CDK6: variants seen among roughly 807,000 people sequenced by gnomAD.
The protein encoded by CDK6 is cyclin-dependent kinase 6.
In CDK6, 6 loss-of-function variants were observed where a neutral mutation model predicts 37.1. The ratio of observed to expected loss-of-function variants is 0.16; its 90% CI spans 0.09 to 0.32. CDK6 has a LOEUF of 0.32. CDK6 is among the 10% of genes least tolerant of loss of function. CDK6 has a pLI of 1.00. For synonymous variants in CDK6, 160 were observed against 161.3 expected, an observed-to-expected ratio of 0.99 and a Z score of 0.06; for missense variants, 224 against 418.9, an observed-to-expected ratio of 0.53 and a Z score of 4.06.
rs1243206376 is a variant in CDK6, at chr7:92,608,510, AT to A, written c.*6629del. 1.7e-5 allele frequency: 4 copies of A among 231,420 alleles called. No homozygotes were observed. Among genetic ancestry groups the A allele is most frequent in the African/African-American group, 4.4e-5 (2 of 45,270 alleles). The allele number at this position is 231,420 out of a possible 1,614,324, so 14.3% of individuals were successfully genotyped here. A position where few individuals can be genotyped will look rare whatever the true frequency, so the allele number is the denominator to read the frequency against. ...ATATAGAATGATGGAAAATAAAAAA[AT>A]AAAAAAAAATTCCTGCAATTATACA... On this transcript the variant is annotated 3_prime_UTR_variant, in exon 8 of 8. Transcript: ENST00000424848.
intron 5 of CDK6, among the ~76,000 whole-genome samples, chr7:92,639,857 G>A (rs915099930): frequency 4.6e-5 from 7 of 152,138 alleles, no homozygotes; most frequent in African/African-American, 1.2e-4. Context: ...TTTGACTAAC[G>A]GCTCTCAATC....
chr7:92,688,586 C>CACACAG (rs1797522261), intron 4 of CDK6, among the ~76,000 whole-genome samples: 1 of 109,876 alleles, frequency 9.1e-6, no homozygotes, highest in Admixed American at 1.0e-4. Flanking sequence ...ATACATCACA[C>CACACAG]ACACACACAC....
rs1795395559 is a variant in CDK6 at position 92,605,067 on chromosome 7, A to G, written c.*10073T>C. 4.3e-6 allele frequency: 1 copy of G among 231,174 alleles called. No homozygotes were observed. The highest frequency in any genetic ancestry group is 1.8e-4 in the South Asian group (1 of 5,522). 14.3% of individuals were successfully genotyped at this position (231,174 alleles called of 1,614,324 possible). A position where few individuals can be genotyped will look rare whatever the true frequency, so the allele number is the denominator to read the frequency against. On this transcript the variant is annotated 3_prime_UTR_variant, in exon 8 of 8. Coordinates refer to ENST00000424848, the MANE Select transcript of CDK6 (RefSeq NM_001145306.2). ...GTTTTTATTATTTTTATTTGCTACC[A>G]ATATTTTTATTGTAAGAAATACAAA...
intron 5 of CDK6, among the ~76,000 whole-genome samples, chr7:92,652,550 G>C (rs1796600299): frequency 6.6e-6 from 1 of 152,072 alleles, no homozygotes; most frequent in Non-Finnish European, 1.5e-5. Flanking sequence ...TTTTCAGGGG[G>C]GAATTTCTGA....
chr7:92,798,565 T>C (rs2115887580), intron 2 of CDK6, among the ~76,000 whole-genome samples: 1 of 152,344 alleles, frequency 6.6e-6, no homozygotes, highest in South Asian at 2.1e-4. Flanking sequence ...TTTTATAAAA[T>C]GTCACCCTAA....
At chr7:92,765,922 T>C (rs957969346) in intron 3 of CDK6, among the ~76,000 whole-genome samples, 26 of 152,040 alleles carry the variant, frequency 1.7e-4, no homozygotes, top group Non-Finnish European at 2.6e-4. Context: ...CTAGAGGGTG[T>C]GGAGCATTCC....
At chr7:92,761,816 A>C (rs910151319) in intron 3 of CDK6, among the ~76,000 whole-genome samples, 2 of 152,222 alleles carry the variant, frequency 1.3e-5, no homozygotes, top group Non-Finnish European at 2.9e-5. Flanking sequence ...ATGCTCTCAT[A>C]AATCTCCCCA....
chr7:92,635,042 A>G (rs1406906330), intron 5 of CDK6, among the ~76,000 whole-genome samples: 1 of 152,330 alleles, frequency 6.6e-6, no homozygotes, highest in Admixed American at 6.5e-5. Flanking sequence ...GATTAGTAAA[A>G]AGAAATAATG....
At chr7:92,656,471 G>A (rs1480838537) in intron 5 of CDK6, among the ~76,000 whole-genome samples, 1 of 152,114 alleles carries the variant, frequency 6.6e-6, no homozygotes, top group Non-Finnish European at 1.5e-5. Flanking sequence ...GTAATTTAGC[G>A]CCTTGGTTGT....
chr7:92,769,356 T>A (rs978426443), intron 3 of CDK6, among the ~76,000 whole-genome samples: 7 of 152,194 alleles, frequency 4.6e-5, no homozygotes, highest in African/African-American at 1.2e-4. Context: ...ATAAAAAAAA[T>A]TTTATTCCAA....
At chr7:92,808,634 T>C (rs927218500) in intron 2 of CDK6, among the ~76,000 whole-genome samples, 2 of 152,228 alleles carry the variant, frequency 1.3e-5, no homozygotes, top group African/African-American at 4.8e-5. Flanking sequence ...AATGTGCAAT[T>C]TTCCAATGTC....
chr7:92,638,206 T>C (rs760455364), intron 5 of CDK6, among the ~76,000 whole-genome samples: 9 of 152,254 alleles, frequency 5.9e-5, no homozygotes, highest in Non-Finnish European at 1.2e-4. Context: ...ACTTTTAGTA[T>C]ATCTTTGGCA....
intron 3 of CDK6, among the ~76,000 whole-genome samples, chr7:92,770,168 C>A (rs1799675533): frequency 6.6e-6 from 1 of 152,154 alleles, no homozygotes; most frequent in East Asian, 1.9e-4. Context: ...ATTAGAATAT[C>A]TGTTGACTTC....
In CDK6 at chr7:92,774,708, A is replaced by G. The variant is rs781044210; in HGVS notation, c.357T>C (p.Thr119=). 1 of 1,606,296 alleles carries G rather than the reference A, an allele frequency of 6.2e-7. No individual in the cohort carries two copies. The highest frequency in any genetic ancestry group is 1.3e-5 in the African/African-American group (1 of 74,400). Residue 119 remains threonine (T), a synonymous_variant, in exon 3 of 8, where the codon ACT becomes ACC. Transcript: ENST00000424848. The part of the protein sequence containing the change: ...LDKVPEPGVP[T]ETIKDMMFQL... ...TGATTCTTGATACCTTTATGGTTTC[A>G]GTGGGCACTCCAGGCTCTGGAACTT...
intron 4 of CDK6, among the ~76,000 whole-genome samples, chr7:92,709,590 TC>T (rs1798040265): frequency 6.6e-6 from 1 of 152,148 alleles, no homozygotes. Flanking sequence ...TATTTATGCA[TC>T]CAAATACTGA....
At chr7:92,781,941 T>C (rs543081223) in intron 2 of CDK6, among the ~76,000 whole-genome samples, 1 of 152,344 alleles carries the variant, frequency 6.6e-6, no homozygotes, top group East Asian at 1.9e-4. Context: ...CACTGTATTC[T>C]CTTTTTTGCT....
At chr7:92,774,907 C>G (rs1799810796) in intron 2 of CDK6, 76 bp from the exon 3 acceptor site, 1 of 1,399,688 alleles carries the variant, frequency 7.1e-7, no homozygotes, top group Non-Finnish European at 9.7e-7. Context: ...ACATATCGCT[C>G]AATTTGGTCT....
intron 5 of CDK6, among the ~76,000 whole-genome samples, chr7:92,651,444 C>CA (rs1389384919): frequency 6.6e-6 from 1 of 152,080 alleles, no homozygotes. Context: ...AAACAACAAA[C>CA]AACAACAACA....
intron 3 of CDK6, among the ~76,000 whole-genome samples, chr7:92,764,715 G>C (rs1257389817): frequency 6.6e-6 from 1 of 152,110 alleles, no homozygotes; most frequent in Non-Finnish European, 1.5e-5. Flanking sequence ...GGTTTGCAAG[G>C]CTTCATTATA....
Sources: gnomAD v4.1 joint callset for allele counts (sites outside exome capture counted in the v4.1 genomes callset) on GRCh38, gnomAD v4.1.1 for gene constraint, MANE v1.5 for transcripts, NCBI Gene and HGNC (gene_info 2026-07-23, HGNC 2026-07-21) for gene names.